Variants in PCDH9 observed in about 807,000 individuals in gnomAD.
PCDH9 encodes the protein protocadherin-9.
Under a neutral mutation model 70.6 loss-of-function variants are expected in PCDH9, and 24 were observed. The observed-to-expected ratio is 0.34, with a 90% CI of 0.25 to 0.48. The LOEUF (loss-of-function observed/expected upper bound fraction) is 0.48. Ranked by LOEUF, PCDH9 falls within the 20% of genes least tolerant of loss-of-function variation. The pLI is 0.99. For synonymous variants in PCDH9, 562 were observed against 558.5 expected (o/e 1.01, Z -0.09); for missense variants, 1,281 against 1,503.6 (o/e 0.85, Z 2.45).
rs78790697 is a variant in PCDH9 at position 66,416,129 on chromosome 13, G to C, written c.3341-111101C>G. Among the ~76,000 whole-genome samples, 448 of 152,228 alleles carry C rather than the reference G, an allele frequency of 2.9e-3. 3 individuals carry two copies. Among genetic ancestry groups the C allele is most frequent in the African/African-American group, 0.01 (425 of 41,542 alleles). ...TTTTGCCATTTTGCGGGGATGGGTAGAGGAGAAGGGAATATGTTTTGTTTG... is the reference window on the plus strand; with the variant it reads ...TTTTGCCATTTTGCGGGGATGGGTACAGGAGAAGGGAATATGTTTTGTTTG... On this transcript the variant is annotated intron_variant, in intron 4 of 4. Coordinates refer to ENST00000377865, the MANE Select transcript of PCDH9 (RefSeq NM_203487.3).
chr13:66,731,978 G>C (rs982126208), intron 3 of PCDH9, among the ~76,000 whole-genome samples: 2 of 151,904 alleles, frequency 1.3e-5, no homozygotes, highest in African/African-American at 2.4e-5. Context: ...CTATAAGCAA[G>C]AGTACATTGG....
intron 2 of PCDH9, among the ~76,000 whole-genome samples, chr13:67,154,601 T>TAC (rs1328456120): frequency 1.1e-5 from 1 of 93,438 alleles, no homozygotes; most frequent in African/African-American, 4.3e-5. Flanking sequence ...AAAAAATATA[T>TAC]ATATACACAC....
chr13:66,719,975 CT>C (rs1168676464), intron 3 of PCDH9, among the ~76,000 whole-genome samples: 2 of 152,126 alleles, frequency 1.3e-5, no homozygotes, highest in Admixed American at 6.5e-5. Context: ...TATCTGTGGA[CT>C]TTATGCTATA....
chr13:66,413,970 T>C (rs1429067163), intron 4 of PCDH9, among the ~76,000 whole-genome samples: 2 of 152,154 alleles, frequency 1.3e-5, no homozygotes, highest in Non-Finnish European at 2.9e-5. Flanking sequence ...AATGTGGTTC[T>C]TTTTCTTCCT....
intron 2 of PCDH9, among the ~76,000 whole-genome samples, chr13:67,106,703 G>A (rs764156603): frequency 2.6e-5 from 4 of 152,190 alleles, no homozygotes; most frequent in Non-Finnish European, 4.4e-5. Context: ...CCATGGCTGC[G>A]GATTGGGCAT....
chr13:66,658,925 T>C (rs2077969129), intron 3 of PCDH9, among the ~76,000 whole-genome samples: 1 of 152,142 alleles, frequency 6.6e-6, no homozygotes, highest in African/African-American at 2.4e-5. Flanking sequence ...AATTAGTGTC[T>C]TCTTTTTGCA....
chr13:66,921,742 A>G (rs1437522713), intron 2 of PCDH9, among the ~76,000 whole-genome samples: 1 of 151,380 alleles, frequency 6.6e-6, no homozygotes, highest in East Asian at 1.9e-4. Flanking sequence ...GTTTAATAAA[A>G]GGGGAATTGT....
intron 3 of PCDH9, among the ~76,000 whole-genome samples, chr13:66,771,400 T>C (rs560592781): frequency 4.1e-4 from 62 of 152,326 alleles, no homozygotes; most frequent in African/African-American, 1.5e-3. Flanking sequence ...ATTTAGTCTT[T>C]ATTTCCCTTC....
chr13:66,633,836 C>T (rs1000161024), intron 3 of PCDH9, among the ~76,000 whole-genome samples: 4 of 152,116 alleles, frequency 2.6e-5, no homozygotes, highest in Admixed American at 1.3e-4. Flanking sequence ...GTTTTAATGA[C>T]GATATTTCTT....
chr13:66,884,601 A>C (rs1441063471), intron 3 of PCDH9, among the ~76,000 whole-genome samples: 1 of 152,188 alleles, frequency 6.6e-6, no homozygotes, highest in Non-Finnish European at 1.5e-5. Flanking sequence ...GCTTTCCTAC[A>C]TTATAATATT....
intron 2 of PCDH9, among the ~76,000 whole-genome samples, chr13:66,904,383 A>T (rs931341846): frequency 6.6e-6 from 1 of 151,882 alleles, no homozygotes; most frequent in Non-Finnish European, 1.5e-5. Context: ...CTGTTTTCTT[A>T]CTTCTTTTCT....
intron 2 of PCDH9, among the ~76,000 whole-genome samples, chr13:66,961,514 C>T (rs1297266151): frequency 6.6e-6 from 1 of 152,082 alleles, no homozygotes; most frequent in Non-Finnish European, 1.5e-5. Flanking sequence ...CAATGAAAGG[C>T]TGGGTATGGT....
At chr13:67,124,346 T>G (rs953409062) in intron 2 of PCDH9, among the ~76,000 whole-genome samples, 2 of 152,170 alleles carry the variant, frequency 1.3e-5, no homozygotes, top group African/African-American at 4.8e-5. Flanking sequence ...GCATATATAT[T>G]TATTTGAAGA....
chr13:66,782,276 T>G (rs1401309929), intron 3 of PCDH9, among the ~76,000 whole-genome samples: 1 of 152,142 alleles, frequency 6.6e-6, no homozygotes, highest in Non-Finnish European at 1.5e-5. Flanking sequence ...ATTTTTAAAT[T>G]TACATTAAAT....
intron 4 of PCDH9, among the ~76,000 whole-genome samples, chr13:66,625,900 A>G (rs374593025): frequency 8.6e-5 from 13 of 152,014 alleles, no homozygotes; most frequent in African/African-American, 3.1e-4. Context: ...CTGACCTCAA[A>G]TGATCTGTCC....
At chr13:66,612,182 G>C (rs1435439927) in intron 4 of PCDH9, among the ~76,000 whole-genome samples, 1 of 152,206 alleles carries the variant, frequency 6.6e-6, no homozygotes, top group Non-Finnish European at 1.5e-5. Context: ...AAGGAAATAT[G>C]TGAAAGTCAA....
At chr13:67,117,117 A>T (rs928379857) in intron 2 of PCDH9, among the ~76,000 whole-genome samples, 1 of 152,198 alleles carries the variant, frequency 6.6e-6, no homozygotes, top group Non-Finnish European at 1.5e-5. Context: ...AATTTATGAT[A>T]CTGACACTAA....
intron 4 of PCDH9, among the ~76,000 whole-genome samples, chr13:66,489,430 C>T (rs1401475544): frequency 6.6e-6 from 1 of 152,176 alleles, no homozygotes; most frequent in South Asian, 2.1e-4. Context: ...CCCACCTCAG[C>T]TTCCTGAGTA....
chr13:66,938,897 T>C (rs1240994894), intron 2 of PCDH9, among the ~76,000 whole-genome samples: 1 of 152,200 alleles, frequency 6.6e-6, no homozygotes, highest in Non-Finnish European at 1.5e-5. Context: ...ATTATTGTAA[T>C]AGAATTATAA....
Sources: allele counts gnomAD v4.1 joint callset (sites outside exome capture counted in the v4.1 genomes callset), GRCh38; gene constraint gnomAD v4.1.1; transcripts MANE v1.5; gene names NCBI Gene and HGNC (gene_info 2026-07-23, HGNC 2026-07-21).